XDH: variants seen among roughly 807,000 people sequenced by gnomAD.
XDH encodes the protein xanthine dehydrogenase, also known as xanthine dehydrogenase/oxidase.
A neutral mutation model predicts 156.1 loss-of-function variants in XDH; 138 were observed. The observed-to-expected ratio is 0.88, with a 90% CI of 0.77 to 1.02. The LOEUF (loss-of-function observed/expected upper bound fraction) is 1.02. XDH is among the 50% of genes least tolerant of loss of function. XDH has a pLI of 0.00. For missense variants in XDH, 1,849 were observed against 1,684.9 expected, an observed-to-expected ratio of 1.10 and a Z score of -1.71; for synonymous variants, 669 against 625.7, an observed-to-expected ratio of 1.07 and a Z score of -1.03.
chr2:31,404,765 C>A (rs1358496147), intron 2 of XDH, among the ~76,000 whole-genome samples: 1 of 152,124 alleles, frequency 6.6e-6, no homozygotes, highest in East Asian at 1.9e-4. Context: ...CCAGGTTTAT[C>A]TTCTGTGAAC....
intron 29 of XDH, among the ~76,000 whole-genome samples, chr2:31,347,238 C>T (rs1685324345): frequency 6.6e-6 from 1 of 152,212 alleles, no homozygotes; most frequent in African/African-American, 2.4e-5. Flanking sequence ...ATTGCTAGCT[C>T]CAGCACCAGG....
Position 31,368,656 on chromosome 2 carries a change from G to A in XDH, c.1985C>T (p.Thr662Ile), listed in dbSNP as rs374486058. 1.2e-6 allele frequency: 2 copies of A among 1,614,146 alleles called. No homozygotes were observed. The highest frequency in any genetic ancestry group is 2.2e-5 in the South Asian group (2 of 91,082). The change falls in exon 19 of 36, where the codon ACT (threonine) becomes ATT (isoleucine). Residue 662 changes from threonine to isoleucine, a missense_variant. By Grantham distance (89) the Thr-to-Ile change is moderately conservative. Transcript: ENST00000379416. ...DETVFAKDKV[T>I]CVGHIIGAVV... ...AGCACCAATGATATGCCCAACACAAGTAACCTAGTAGCAGAGACAGACTGT... is the reference window on the plus strand; with the variant it reads ...AGCACCAATGATATGCCCAACACAAATAACCTAGTAGCAGAGACAGACTGT...
chr2:31,376,138 G>T (rs1686238950), intron 14 of XDH, among the ~76,000 whole-genome samples: 1 of 151,912 alleles, frequency 6.6e-6, no homozygotes. Context: ...CAGCCATAGT[G>T]GTAGCAATAG....
Position 31,349,679 on chromosome 2 carries a change from T to A in XDH, c.2969+7A>T, listed in dbSNP as rs1165731050. 2 of 1,614,080 alleles carry A rather than the reference T, an allele frequency of 1.2e-6. No individual in the cohort carries two copies. The highest frequency in any genetic ancestry group is 1.7e-6 in the Non-Finnish European group (2 of 1,180,014). On this transcript the variant is annotated splice_region_variant and intron_variant, in intron 26 of 35. Coordinates refer to ENST00000379416, the MANE Select transcript of XDH (RefSeq NM_000379.4). Reference sequence around the variant, plus strand: ...AGAGCAACTGGACTTCTACTCCTAGTGCTTACTTGTTGAACTTGTCAACCT... The same window carrying A: ...AGAGCAACTGGACTTCTACTCCTAGAGCTTACTTGTTGAACTTGTCAACCT...
At position 31,366,891 on chromosome 2, in the gene XDH, T is replaced by G. The variant is rs566300471; in HGVS notation, c.2301A>C (p.Thr767=). 6.8e-6 allele frequency: 11 copies of G among 1,614,212 alleles called. No individual in the cohort carries two copies. The South Asian group carries it at 7.7e-5, about 11-fold the overall frequency. Residue 767 remains threonine, a synonymous_variant, in exon 21 of 36, where the codon ACA becomes ACC. Coordinates refer to ENST00000379416, the MANE Select transcript of XDH (RefSeq NM_000379.4). ...EAGEMELFVS[T]QNTMKTQSFV... is the part of the protein sequence containing the mutation. ...CTACCTGGGTCTTCATGGTGTTCTG[T>G]GTAGACACAAAGAGCTCCATCTCCC...
chr2:31,401,422 A>G (rs971369732), intron 3 of XDH, 94 bp from the exon 4 acceptor site: 3 of 1,265,084 alleles, frequency 2.4e-6, no homozygotes, highest in Admixed American at 3.8e-5. Context: ...GTGAGGCTTT[A>G]TGTTACGTCT....
intron 7 of XDH, 54 bp downstream of exon 7, chr2:31,388,173 T>C: frequency 6.3e-7 from 1 of 1,591,696 alleles, no homozygotes; most frequent in Non-Finnish European, 8.6e-7. Flanking sequence ...GTGCACTGAC[T>C]CCTCTAAGTC....
At position 31,403,076 on chromosome 2, in the gene XDH, T is replaced by A. The variant is rs1687103642; in HGVS notation, c.169A>T (p.Lys57Ter). The change falls in exon 3 of 36, where the codon AAG (lysine) becomes TAG (stop). Residue 57 changes from lysine (K) to a stop codon, truncating the protein, a stop_gained. Coordinates refer to ENST00000379416, the MANE Select transcript of XDH (RefSeq NM_000379.4). LOFTEE classifies it high-confidence loss of function. ...GCGACTVMLS[K>*]YDRLQNKIVH... ...ATCTTGTTCTGCAGACGATCATACT[T>A]GGAGAGCATCACTGTGCAAGCCCCG... The A allele has an allele frequency of 1.2e-6, 2 of 1,614,032 alleles. No individual in the cohort carries two copies. Among genetic ancestry groups the A allele is most frequent in the Non-Finnish European group, 1.7e-6 (2 of 1,180,032 alleles).
intron 24 of XDH, among the ~76,000 whole-genome samples, chr2:31,357,109 T>C (rs1685645328): frequency 6.6e-6 from 1 of 152,054 alleles, no homozygotes; most frequent in African/African-American, 2.4e-5. Context: ...GAGGGGAAAC[T>C]TTACAGCACT....
At chr2:31,370,304 A>G in intron 18 of XDH, 51 bp downstream of exon 18, 1 of 1,603,752 alleles carries the variant, frequency 6.2e-7, no homozygotes, top group Non-Finnish European at 8.5e-7. Flanking sequence ...ACACAAATTA[A>G]AACTTCAATA....
At chr2:31,337,373 A>G (rs948320610) in intron 35 of XDH, among the ~76,000 whole-genome samples, 17 of 152,202 alleles carry the variant, frequency 1.1e-4, no homozygotes, top group African/African-American at 4.1e-4. Flanking sequence ...AAATAATAAA[A>G]TCTGTGAGTT....
At chr2:31,374,253 C>A (rs1436348067) in intron 15 of XDH, among the ~76,000 whole-genome samples, 1 of 152,168 alleles carries the variant, frequency 6.6e-6, no homozygotes, top group Admixed American at 6.5e-5. Flanking sequence ...CTGCTGCTGT[C>A]TCTGTTGGGA....
chr2:31,380,068 A>C (rs1451088371), intron 12 of XDH, 92 bp from the exon 13 acceptor site: 1 of 1,254,008 alleles, frequency 8.0e-7, no homozygotes, highest in East Asian at 2.3e-5. Flanking sequence ...GGGATTCTTC[A>C]TGCTGGTCTC....
At chr2:31,353,380 T>A (rs1289324896) in intron 24 of XDH, among the ~76,000 whole-genome samples, 1 of 152,198 alleles carries the variant, frequency 6.6e-6, no homozygotes, top group Non-Finnish European at 1.5e-5. Context: ...CATTGAAGTA[T>A]ATACAGAGAC....
rs1685332832 is a variant in XDH, at chr2:31,347,525, G to A, written c.3273C>T (p.Val1091=). The A allele has an allele frequency of 1.9e-6, 3 of 1,613,868 alleles. No homozygotes were observed. The East Asian group carries it at 6.7e-5, about 36-fold the overall frequency. ...CGGGATCCCATGGGCTCCTTACATA[G>A]ACGGCCTGTCCATTGAGGTCAGCGC... ...SVSADLNGQA[V]YAACQTILKR... Residue 1091 remains valine (V), a synonymous_variant, in exon 29 of 36, where the codon GTC becomes GTT. Coordinates refer to ENST00000379416, the MANE Select transcript of XDH (RefSeq NM_000379.4).
chr2:31,356,855 A>G (rs1160433563), intron 24 of XDH, among the ~76,000 whole-genome samples: 1 of 152,198 alleles, frequency 6.6e-6, no homozygotes, highest in Non-Finnish European at 1.5e-5. Context: ...ACATACTTCA[A>G]AGAATTGAAA....
intron 20 of XDH, among the ~76,000 whole-genome samples, chr2:31,367,752 C>A (rs913731826): frequency 3.3e-5 from 5 of 152,140 alleles, no homozygotes; most frequent in African/African-American, 1.2e-4. Context: ...ATCATTAGGT[C>A]CAGCCTAGAG....
At chr2:31,343,376 T>C (rs1193763266) in intron 31 of XDH, among the ~76,000 whole-genome samples, 1 of 142,158 alleles carries the variant, frequency 7.0e-6, no homozygotes. Context: ...CAATGTAATA[T>C]CTATACATAT....
chr2:31,360,712 C>T (rs1357753327), intron 24 of XDH, among the ~76,000 whole-genome samples: 8 of 152,128 alleles, frequency 5.3e-5, no homozygotes, highest in Non-Finnish European at 1.2e-4. Flanking sequence ...AGGTTTCAGG[C>T]ACCCACTAGG....
Sources: allele counts gnomAD v4.1 joint callset (sites outside exome capture counted in the v4.1 genomes callset), GRCh38; gene constraint gnomAD v4.1.1; transcripts MANE v1.5; gene names NCBI Gene and HGNC (gene_info 2026-07-23, HGNC 2026-07-21).